Variants in IL1RAPL2 observed in about 807,000 individuals in gnomAD.
The protein encoded by IL1RAPL2 is interleukin 1 receptor accessory protein like 2, also known as X-linked interleukin-1 receptor accessory protein-like 2.
Under a neutral mutation model 44.1 loss-of-function variants are expected in IL1RAPL2, and 3 were observed. That is an observed-to-expected ratio of 0.07 (90% confidence interval 0.03 to 0.18). IL1RAPL2 has a LOEUF of 0.18. Ranked by LOEUF, IL1RAPL2 falls within the 10% of genes least tolerant of loss-of-function variation. The pLI is 1.00. For missense variants in IL1RAPL2, 391 were observed against 496.4 expected (o/e 0.79, Z 2.02); for synonymous variants, 181 against 178.8 (o/e 1.01, Z -0.10).
chrX:105,232,078 A>T (rs2034076282), intron 3 of IL1RAPL2, among the ~76,000 whole-genome samples: 1 of 111,976 alleles, frequency 8.9e-6, no homozygotes, highest in Non-Finnish European at 1.9e-5. Flanking sequence ...CAAATCCCAC[A>T]GTCTACATAG....
chrX:104,901,875 CAT>C (rs745981229), intron 2 of IL1RAPL2, among the ~76,000 whole-genome samples: 3 of 111,905 alleles, frequency 2.7e-5, no homozygotes, highest in Non-Finnish European at 5.6e-5. Context: ...GTATTTGTCA[CAT>C]GTTAGGTGCT....
At chrX:104,729,388 C>T (rs1931858611) in intron 2 of IL1RAPL2, among the ~76,000 whole-genome samples, 1 of 104,818 alleles carries the variant, frequency 9.5e-6, no homozygotes, top group Non-Finnish European at 1.9e-5. Context: ...AACATGGGAG[C>T]AATATTCTAA....
intron 5 of IL1RAPL2, among the ~76,000 whole-genome samples, chrX:105,298,548 T>C (rs745785230): frequency 7.2e-4 from 80 of 110,995 alleles, no homozygotes; most frequent in Non-Finnish European, 9.8e-4. Context: ...GTTTGTGATA[T>C]AAGTTTAAAA....
intron 2 of IL1RAPL2, among the ~76,000 whole-genome samples, chrX:104,919,535 T>TTC (rs1430215957): frequency 9.9e-6 from 1 of 100,814 alleles, no homozygotes; most frequent in Non-Finnish European, 2.0e-5. Context: ...TTTTTTTTTT[T>TTC]TTCTTTTTTC....
intron 6 of IL1RAPL2, among the ~76,000 whole-genome samples, chrX:105,604,422 A>G (rs1448176053): frequency 2.7e-5 from 3 of 111,020 alleles, no homozygotes; most frequent in African/African-American, 9.8e-5. Flanking sequence ...ATTCCTGGAC[A>G]CATACAACAT....
intron 6 of IL1RAPL2, among the ~76,000 whole-genome samples, chrX:105,582,189 G>A (rs1027990169): frequency 9.0e-6 from 1 of 111,503 alleles, no homozygotes; most frequent in Non-Finnish European, 1.9e-5. Context: ...AATCAATATT[G>A]TCTTGATGTA....
chrX:104,617,530 C>A (rs1929303945), intron 1 of IL1RAPL2, among the ~76,000 whole-genome samples: 1 of 111,970 alleles, frequency 8.9e-6, no homozygotes, highest in African/African-American at 3.2e-5. Flanking sequence ...TTTAGATAAT[C>A]CCATATTCCT....
At chrX:104,890,043 T>A (rs189219092) in intron 2 of IL1RAPL2, among the ~76,000 whole-genome samples, 3,742 of 111,107 alleles carry the variant, frequency 0.034, 71 homozygotes, top group Middle Eastern at 0.066. Context: ...AGTGAGAACA[T>A]GCAGTGTTTG....
rs781366383 is a variant in IL1RAPL2 at position 105,750,347 on chromosome X, C to G, written c.1192+1244C>G. On this transcript the variant is annotated intron_variant, in intron 9 of 10. Transcript: ENST00000372582. ...GGAGTGCAGTGGTGCAATCCTGGCT[C>G]ACTGCAGCCTCGAACTCCTGTACTC... 4.0e-5 allele frequency among the ~76,000 whole-genome samples: 4 copies of G among 99,999 alleles called. No homozygotes were observed. The South Asian group carries it at 1.9e-3, about 47-fold the overall frequency. 86.8% of individuals were successfully genotyped at this position (99,999 alleles called of 115,157 possible). A position where few individuals can be genotyped will look rare whatever the true frequency, so the allele number is the denominator to read the frequency against.
rs755341254 is a variant in IL1RAPL2 at position 105,267,038 on chromosome X, G to A, written c.544-350G>A. On this transcript the variant is annotated intron_variant, in intron 4 of 10. Coordinates refer to ENST00000372582, the MANE Select transcript of IL1RAPL2 (RefSeq NM_017416.2). ...AGGAAATATCCTTGTCAAATAGAAG[G>A]AACCAGGACATTATAATAATATTTA... Among the ~76,000 whole-genome samples, 9 of 111,632 alleles carry A rather than the reference G, an allele frequency of 8.1e-5. No individual in the cohort carries two copies. In the East Asian group the frequency reaches 2.6e-3, roughly 32 times the overall value.
intron 2 of IL1RAPL2, among the ~76,000 whole-genome samples, chrX:104,734,734 A>G (rs887031540): frequency 8.9e-6 from 1 of 111,885 alleles, no homozygotes; most frequent in African/African-American, 3.2e-5. Context: ...AAATCTATAC[A>G]TATATTAAAA....
chrX:105,346,942 A>G (rs928940849), intron 5 of IL1RAPL2, among the ~76,000 whole-genome samples: 1 of 112,029 alleles, frequency 8.9e-6, no homozygotes, highest in African/African-American at 3.2e-5. Context: ...TAACACATAG[A>G]TTGTCCTTGG....
chrX:105,060,665 G>A (rs2032064011), intron 2 of IL1RAPL2, among the ~76,000 whole-genome samples: 1 of 100,676 alleles, frequency 9.9e-6, no homozygotes, highest in African/African-American at 3.7e-5. Context: ...GAGTTTGGAA[G>A]TATTCTCTCC....
intron 5 of IL1RAPL2, among the ~76,000 whole-genome samples, chrX:105,378,258 C>G (rs188610685): frequency 2.7e-5 from 3 of 111,731 alleles, no homozygotes; most frequent in African/African-American, 9.7e-5. Flanking sequence ...AAGGTAGATT[C>G]TTGAAGTTTG....
intron 2 of IL1RAPL2, among the ~76,000 whole-genome samples, chrX:104,996,657 C>T (rs1482036535): frequency 8.9e-6 from 1 of 111,899 alleles, no homozygotes; most frequent in Admixed American, 9.5e-5. Flanking sequence ...AATCATTTAA[C>T]AAATGGTTAT....
intron 3 of IL1RAPL2, among the ~76,000 whole-genome samples, chrX:105,205,173 A>T (rs1232576870): frequency 9.0e-6 from 1 of 110,999 alleles, no homozygotes; most frequent in East Asian, 2.8e-4. Context: ...AAAGTGACAT[A>T]CAAACTGAGA....
At position 105,401,687 on chromosome X, in the gene IL1RAPL2, A is replaced by G. The variant is rs1355578260; in HGVS notation, c.698-82626A>G. Among the ~76,000 whole-genome samples the G allele has an allele frequency of 5.4e-5, 6 of 110,981 alleles. No individual in the cohort carries two copies. In the East Asian group the frequency reaches 1.7e-3, roughly 31 times the overall value. ...AGGTATCTAGAGATAGAGATCATCAATCAGTGATTGATTATTAGCTTTTTT... is the reference window on the plus strand; with the variant it reads ...AGGTATCTAGAGATAGAGATCATCAGTCAGTGATTGATTATTAGCTTTTTT... On this transcript the variant is annotated intron_variant, in intron 5 of 10. Transcript: ENST00000372582.
At chrX:105,545,136 C>T (rs1238435295) in intron 6 of IL1RAPL2, among the ~76,000 whole-genome samples, 2 of 111,676 alleles carry the variant, frequency 1.8e-5, no homozygotes, top group African/African-American at 3.3e-5. Context: ...TATTAACCTA[C>T]GTATTTACCT....
chrX:105,621,780 G>GA (rs1438018029), intron 6 of IL1RAPL2, among the ~76,000 whole-genome samples: 1 of 111,125 alleles, frequency 9.0e-6, no homozygotes, highest in Non-Finnish European at 1.9e-5. Context: ...AAGGGAGTGT[G>GA]AATACTGAGC....
Sources: gnomAD v4.1 joint callset for allele counts (sites outside exome capture counted in the v4.1 genomes callset) on GRCh38, gnomAD v4.1.1 for gene constraint, MANE v1.5 for transcripts, NCBI Gene and HGNC (gene_info 2026-07-23, HGNC 2026-07-21) for gene names.